Variants in APLP2 observed in about 807,000 individuals in gnomAD.
APLP2 encodes CDEI box-binding protein.
Under a neutral mutation model 89.9 loss-of-function variants are expected in APLP2, and 53 were observed. The observed-to-expected ratio is 0.59, with a 90% CI of 0.47 to 0.74. The LOEUF (loss-of-function observed/expected upper bound fraction) is 0.74. APLP2 is among the 30% of genes least tolerant of loss of function. The probability of loss-of-function intolerance (pLI) is 0.00; values close to 1 mark genes in which losing one functional copy is unlikely to be tolerated. For synonymous variants in APLP2, 372 were observed against 348.6 expected (o/e 1.07, Z -0.75); for missense variants, 973 against 975.9 (o/e 1.00, Z 0.04).
At position 130,141,230 on chromosome 11, in the gene APLP2, TTC is replaced by T. The variant is rs1325297344; in HGVS notation, c.1924-266_1924-265del. 2.4e-4 allele frequency: 104 copies of T among 439,962 alleles called. No homozygotes were observed. Among genetic ancestry groups the T allele is most frequent in the Non-Finnish European group, 3.7e-4 (91 of 243,050 alleles). 27.3% of individuals were successfully genotyped at this position (439,962 alleles called of 1,614,324 possible). A position where few individuals can be genotyped will look rare whatever the true frequency, so the allele number is the denominator to read the frequency against. On this transcript the variant is annotated intron_variant, in intron 14 of 16. Transcript: ENST00000338167. This position sits in a 1 kb window ranked among gnomAD's most constrained non-coding sequence, Gnocchi z 4.2. ...GTAAACGGGGCTTTTTGGCAGTCTG[TTC>T]TGAGATACGTCTCCACAACGGTTAC...
At chr11:130,139,263 G>A (rs1245699753) in intron 13 of APLP2, 1 of 152,234 alleles carries the variant, frequency 6.6e-6, no homozygotes, top group Non-Finnish European at 1.5e-5. Flanking sequence ...AAGTTGCTAT[G>A]TGTTAAGAAC....
chr11:130,109,790 T>C (rs1055101296), intron 2 of APLP2, 188 bp downstream of exon 2: 1 of 537,518 alleles, frequency 1.9e-6, no homozygotes, highest in Non-Finnish European at 3.1e-6. Flanking sequence ...TGCCTGCGTG[T>C]TCTGTGAGCT....
intron 1 of APLP2, among the ~76,000 whole-genome samples, chr11:130,102,250 G>A (rs1204407996): frequency 6.6e-6 from 1 of 152,140 alleles, no homozygotes; most frequent in Non-Finnish European, 1.5e-5. Flanking sequence ...TTAACAGATG[G>A]TCCTTTTTTA....
At chr11:130,139,977 G>A (rs887321236) in intron 13 of APLP2, among the ~76,000 whole-genome samples, 4 of 152,180 alleles carry the variant, frequency 2.6e-5, no homozygotes, top group Non-Finnish European at 5.9e-5. Flanking sequence ...CTATGTCCAA[G>A]GCAAACGTGC....
intron 1 of APLP2, among the ~76,000 whole-genome samples, chr11:130,095,974 G>T (rs1946149158): frequency 6.6e-6 from 1 of 152,174 alleles, no homozygotes; most frequent in South Asian, 2.1e-4. Context: ...TTCTAGTGAT[G>T]GGAGATGGAC....
intron 3 of APLP2, among the ~76,000 whole-genome samples, chr11:130,115,382 T>G (rs144476618): frequency 6.6e-6 from 1 of 152,270 alleles, no homozygotes; most frequent in East Asian, 1.9e-4. Flanking sequence ...TAAACAACCT[T>G]TGTTATTTAT....
Position 130,097,670 on chromosome 11 carries a change from T to C in APLP2, c.106-11759T>C, listed in dbSNP as rs551685598. Among the ~76,000 whole-genome samples the C allele has an allele frequency of 7.2e-5, 11 of 152,272 alleles. No individual in the cohort carries two copies. The East Asian group carries it at 1.4e-3, about 19-fold the overall frequency. ...TCCAGCCTGGGCGACAGAGTGAAAC[T>C]CTGGCTCAGAAACAACAACAACAAA... On this transcript the variant is annotated intron_variant, in intron 1 of 16. Coordinates refer to ENST00000338167, the MANE Select transcript of APLP2 (RefSeq NM_001142276.2).
rs1952680486 is a variant in APLP2 at position 130,143,637 on chromosome 11, G to A, written c.*189G>A. The A allele has an allele frequency of 5.4e-6, 3 of 558,462 alleles. No homozygotes were observed. The highest frequency in any genetic ancestry group is 9.6e-6 in the Non-Finnish European group (3 of 311,496). 34.6% of individuals were successfully genotyped at this position (558,462 alleles called of 1,614,324 possible). On this transcript the variant is annotated 3_prime_UTR_variant, in exon 17 of 17. Transcript: ENST00000338167. The stretch of plus-strand genomic sequence containing the variant: ...CCATTCTTTTAAATGGGTGAAAAAT[G>A]GTAATATAACAATATATGATATATA...
chr11:130,143,237 G>C, intron 16 of APLP2, 110 bp from the exon 17 acceptor site: 1 of 954,870 alleles, frequency 1.0e-6, no homozygotes, highest in South Asian at 1.3e-5. Flanking sequence ...ACGGGCTGCT[G>C]GCTGCATTTG....
intron 1 of APLP2, among the ~76,000 whole-genome samples, chr11:130,091,405 C>G (rs762335543): frequency 7.1e-6 from 1 of 140,496 alleles, no homozygotes; most frequent in Non-Finnish European, 1.5e-5. Context: ...GGCGGCTGGC[C>G]GGGCAGAGGG....
At chr11:130,127,909 C>T in intron 9 of APLP2, 69 bp downstream of exon 9, 1 of 1,384,666 alleles carries the variant, frequency 7.2e-7, no homozygotes, top group Non-Finnish European at 1.0e-6. Context: ...AGCCCCATTC[C>T]CAACGAAATT....
intron 1 of APLP2, among the ~76,000 whole-genome samples, chr11:130,085,968 C>T (rs1804923324): frequency 6.6e-6 from 1 of 152,186 alleles, no homozygotes; most frequent in Non-Finnish European, 1.5e-5. Context: ...GATGTTTCTA[C>T]CTTTGGCTAC....
intron 7 of APLP2, among the ~76,000 whole-genome samples, chr11:130,125,049 G>A (rs1950215443): frequency 6.6e-6 from 1 of 152,182 alleles, no homozygotes; most frequent in Non-Finnish European, 1.5e-5. Context: ...ATTTGCCTCG[G>A]AGAAGCTTTG....
intron 1 of APLP2, among the ~76,000 whole-genome samples, chr11:130,075,877 A>G (rs913968229): frequency 6.6e-6 from 1 of 152,066 alleles, no homozygotes; most frequent in African/African-American, 2.4e-5. Flanking sequence ...AAAACCTGGT[A>G]TGAGTGTTTC....
intron 3 of APLP2, among the ~76,000 whole-genome samples, chr11:130,112,620 C>G (rs995923467): frequency 6.6e-6 from 1 of 152,142 alleles, no homozygotes; most frequent in African/African-American, 2.4e-5. Context: ...GTGTCCTCTT[C>G]CTGCATCAGA....
chr11:130,091,593 C>A (rs1591780043), intron 1 of APLP2, among the ~76,000 whole-genome samples: 2 of 138,390 alleles, frequency 1.4e-5, no homozygotes, highest in African/African-American at 5.6e-5. Context: ...GGTGGGGGGG[C>A]TGACCCCCCC....
At chr11:130,122,638 T>C in intron 6 of APLP2, 125 bp downstream of exon 6, 4 of 1,481,738 alleles carry the variant, frequency 2.7e-6, no homozygotes, top group Non-Finnish European at 3.6e-6. Context: ...GCACTGAAGG[T>C]GAGTTCAGCT....
intron 10 of APLP2, 65 bp from the exon 11 acceptor site, chr11:130,129,973 T>C (rs535431136): frequency 2.6e-6 from 4 of 1,564,532 alleles, no homozygotes; most frequent in Non-Finnish European, 3.5e-6. Context: ...TTTTAAGCTT[T>C]TGTTTTCCTG....
At chr11:130,107,697 A>C (rs113426069) in intron 1 of APLP2, among the ~76,000 whole-genome samples, 1 of 152,216 alleles carries the variant, frequency 6.6e-6, no homozygotes, top group African/African-American at 2.4e-5. Flanking sequence ...CTTTCTTCAC[A>C]GAATTGGAAA....
Sources: allele counts gnomAD v4.1 joint callset (sites outside exome capture counted in the v4.1 genomes callset), GRCh38; gene constraint gnomAD v4.1.1; non-coding constraint Gnocchi (gnomAD v3.1); transcripts MANE v1.5; gene names NCBI Gene and HGNC (gene_info 2026-07-23, HGNC 2026-07-21).